Variants in NEGR1 observed in about 807,000 individuals in gnomAD.
The protein encoded by NEGR1 is IgLON family member 4.
In NEGR1, 10 loss-of-function variants were observed where a neutral mutation model predicts 40.9. The observed-to-expected ratio is 0.24, with a 90% CI of 0.15 to 0.42. NEGR1 has a LOEUF of 0.42. Among genes scored for constraint, NEGR1 ranks in the 10% least tolerant of loss-of-function variants. The pLI is 1.00. For synonymous variants in NEGR1, 185 were observed against 166.8 expected, an observed-to-expected ratio of 1.11 and a Z score of -0.84; for missense variants, 352 against 438.9, an observed-to-expected ratio of 0.80 and a Z score of 1.77.
chr1:71,923,764 G>C (rs950954296), intron 2 of NEGR1, among the ~76,000 whole-genome samples: 4 of 152,048 alleles, frequency 2.6e-5, no homozygotes, highest in Non-Finnish European at 4.4e-5. Context: ...GCCATTGTAG[G>C]TTGAGTCCTT....
At chr1:71,647,022 G>A (rs943379274) in intron 4 of NEGR1, among the ~76,000 whole-genome samples, 4 of 151,770 alleles carry the variant, frequency 2.6e-5, no homozygotes, top group African/African-American at 9.7e-5. Context: ...AGAAGTTGTT[G>A]ACTCGAGCCA....
At chr1:71,758,637 A>G (rs1477531037) in intron 3 of NEGR1, among the ~76,000 whole-genome samples, 1 of 152,154 alleles carries the variant, frequency 6.6e-6, no homozygotes, top group African/African-American at 2.4e-5. Flanking sequence ...TTCCATAGCA[A>G]AATATTCATT....
chr1:71,807,629 T>C (rs1191637133), intron 2 of NEGR1, among the ~76,000 whole-genome samples: 1 of 152,238 alleles, frequency 6.6e-6, no homozygotes, highest in East Asian at 1.9e-4. Context: ...CCTCACTTTA[T>C]GCTTTTTCTG....
chr1:71,607,038 C>T (rs949219979), intron 5 of NEGR1, among the ~76,000 whole-genome samples: 2 of 152,022 alleles, frequency 1.3e-5, no homozygotes, highest in Non-Finnish European at 1.5e-5. Context: ...AGAAGTAAAG[C>T]GATCGTATAA....
intron 4 of NEGR1, among the ~76,000 whole-genome samples, chr1:71,676,612 G>A (rs1392220750): frequency 3.3e-5 from 5 of 152,124 alleles, no homozygotes; most frequent in African/African-American, 4.8e-5. Context: ...AATTTTCTAA[G>A]CAGATATCTC....
chr1:71,917,275 T>C (rs180983617), intron 2 of NEGR1, among the ~76,000 whole-genome samples: 1 of 152,260 alleles, frequency 6.6e-6, no homozygotes, highest in Admixed American at 6.5e-5. Flanking sequence ...TTTCAGAAGG[T>C]GATGTACTAG....
At chr1:71,598,514 T>A (rs570434083) in intron 5 of NEGR1, among the ~76,000 whole-genome samples, 2 of 152,334 alleles carry the variant, frequency 1.3e-5, no homozygotes, top group Admixed American at 6.5e-5. Context: ...TAGTCAGCCT[T>A]CCAGGCTTCT....
At chr1:72,199,946 A>AGG (rs1653144585) in intron 1 of NEGR1, among the ~76,000 whole-genome samples, 1 of 152,012 alleles carries the variant, frequency 6.6e-6, no homozygotes, top group Non-Finnish European at 1.5e-5. Context: ...GCTAATCATT[A>AGG]GAGAAGTGCA....
At chr1:72,232,934 T>A (rs1190744931) in intron 1 of NEGR1, among the ~76,000 whole-genome samples, 1 of 152,188 alleles carries the variant, frequency 6.6e-6, no homozygotes, top group Non-Finnish European at 1.5e-5. Context: ...CGGAAAGATG[T>A]ACACAGTAAA....
At chr1:71,679,317 T>C (rs1652751157) in intron 4 of NEGR1, among the ~76,000 whole-genome samples, 1 of 152,164 alleles carries the variant, frequency 6.6e-6, no homozygotes, top group African/African-American at 2.4e-5. Flanking sequence ...AATTCACAGA[T>C]CAATTTGAGG....
chr1:71,828,397 G>T (rs1658718513), intron 2 of NEGR1, among the ~76,000 whole-genome samples: 1 of 151,956 alleles, frequency 6.6e-6, no homozygotes, highest in Admixed American at 6.6e-5. Context: ...ATATAATAAA[G>T]AGAAAATAGC....
intron 6 of NEGR1, chr1:71,472,592 C>A (rs1012577323): frequency 6.6e-6 from 1 of 152,108 alleles, no homozygotes; most frequent in South Asian, 2.1e-4. Flanking sequence ...GCACTGGAAC[C>A]AGCTGACTGA....
chr1:71,845,734 T>TCTAC (rs533286064), intron 2 of NEGR1, among the ~76,000 whole-genome samples: 5,267 of 77,644 alleles, frequency 0.068, 174 homozygotes, highest in African/African-American at 0.13. Flanking sequence ...TATCTATCTA[T>TCTAC]CTACCTACCT....
intron 6 of NEGR1, among the ~76,000 whole-genome samples, chr1:71,452,203 A>C (rs1646634296): frequency 6.6e-6 from 1 of 152,158 alleles, no homozygotes; most frequent in Admixed American, 6.5e-5. Context: ...TGAGCATCGA[A>C]TTGGAGGGTT....
At chr1:71,826,654 TTGCAC>T (rs1430969544) in intron 2 of NEGR1, among the ~76,000 whole-genome samples, 1 of 151,940 alleles carries the variant, frequency 6.6e-6, no homozygotes, top group African/African-American at 2.4e-5. Context: ...AGAAGTGTGT[TTGCAC>T]TGACTTGGTT....
intron 2 of NEGR1, among the ~76,000 whole-genome samples, chr1:71,928,443 T>TGTATATATACAC (rs1570516542): frequency 2.8e-5 from 4 of 143,134 alleles, no homozygotes; most frequent in East Asian, 2.0e-4. Context: ...TATACACATA[T>TGTATATATACAC]ATATGTATAT....
chr1:71,850,619 A>C (rs566391098), intron 2 of NEGR1, among the ~76,000 whole-genome samples: 45 of 152,344 alleles, frequency 3.0e-4, no homozygotes, highest in African/African-American at 1.0e-3. Flanking sequence ...TTTTGGGCAG[A>C]ATGATGAGAA....
intron 1 of NEGR1, among the ~76,000 whole-genome samples, chr1:72,255,644 G>A (rs1242791271): frequency 6.8e-5 from 10 of 147,172 alleles, no homozygotes; most frequent in African/African-American, 1.7e-4. Context: ...CCGCCCTCCC[G>A]GGTTCAAGCA....
intron 6 of NEGR1, among the ~76,000 whole-genome samples, chr1:71,532,188 G>T (rs1569994549): frequency 6.6e-6 from 1 of 151,408 alleles, no homozygotes. Flanking sequence ...CCTATATAAC[G>T]AGAAAAAGGT....
Sources: gnomAD v4.1 joint callset for allele counts (sites outside exome capture counted in the v4.1 genomes callset) on GRCh38, gnomAD v4.1.1 for gene constraint, MANE v1.5 for transcripts, NCBI Gene and HGNC (gene_info 2026-07-23, HGNC 2026-07-21) for gene names.